Variants in JAZF1 observed in about 807,000 individuals in gnomAD.
JAZF1 encodes the protein JAZF zinc finger 1, also known as juxtaposed with another zinc finger protein 1.
A neutral mutation model predicts 26.4 loss-of-function variants in JAZF1; 8 were observed. The ratio of observed to expected loss-of-function variants is 0.30; its 90% CI spans 0.18 to 0.55. The LOEUF (loss-of-function observed/expected upper bound fraction) is 0.55, where lower values mean the gene tolerates loss of function less well. JAZF1 is among the 20% of genes least tolerant of loss of function. The pLI, the probability that JAZF1 is intolerant of heterozygous loss-of-function variation, is 0.94. For synonymous variants in JAZF1, 126 were observed against 122.3 expected, an observed-to-expected ratio of 1.03 and a Z score of -0.20; for missense variants, 199 against 322.0, an observed-to-expected ratio of 0.62 and a Z score of 2.92.
intron 2 of JAZF1, among the ~76,000 whole-genome samples, chr7:27,932,828 A>G (rs559096014): frequency 4.0e-4 from 61 of 152,326 alleles, no homozygotes; most frequent in African/African-American, 1.4e-3. Context: ...CTGAAAAACA[A>G]TGATTCTTTT....
intron 1 of JAZF1, among the ~76,000 whole-genome samples, chr7:27,995,975 C>T (rs1225098834): frequency 6.6e-6 from 1 of 152,112 alleles, no homozygotes; most frequent in Non-Finnish European, 1.5e-5. Flanking sequence ...GAAAGGCAAA[C>T]ACCACAGACC....
intron 1 of JAZF1, among the ~76,000 whole-genome samples, chr7:28,100,773 C>A (rs1025987866): frequency 9.9e-5 from 15 of 152,100 alleles, no homozygotes; most frequent in Non-Finnish European, 1.8e-4. Context: ...TTCTGAGAAG[C>A]AAAGGTGTGT....
Position 28,180,490 on chromosome 7 carries a change from T to A in JAZF1, c.88A>T (p.Ile30Phe). ...ATGTGGTTGTCCTCGATGTGCTCGA[T>A]GAGGTCGGCCAGGGTGGGGAAGTGG... ...GLHFPTLADL[I>F]EHIEDNHIDT... Residue 30 changes from isoleucine to phenylalanine, a missense_variant, in exon 1 of 5, where the codon ATC (isoleucine) becomes TTC (phenylalanine). Physicochemically the swap from Ile to Phe is conservative, Grantham distance 21. This residue lies in a region of JAZF1 where 137 missense variants were observed against 184.8 expected (regional missense o/e 0.74). Transcript: ENST00000283928. 1 of 1,608,296 alleles carries A rather than the reference T, an allele frequency of 6.2e-7. No homozygotes were observed. The highest frequency in any genetic ancestry group is 1.7e-5 in the Admixed American group (1 of 59,676).
intron 1 of JAZF1, among the ~76,000 whole-genome samples, chr7:28,027,367 A>G (rs1463260498): frequency 1.3e-5 from 2 of 152,182 alleles, no homozygotes; most frequent in Non-Finnish European, 2.9e-5. Flanking sequence ...TTTGTGGGTT[A>G]TGTTCTTGTT....
chr7:28,146,927 G>A, intron 1 of JAZF1, among the ~76,000 whole-genome samples: 1 of 150,206 alleles, frequency 6.7e-6, no homozygotes. Context: ...CGTGATCTCA[G>A]CTCACTGCAA....
intron 1 of JAZF1, among the ~76,000 whole-genome samples, chr7:28,013,223 G>T (rs886665): frequency 4.6e-5 from 7 of 152,116 alleles, no homozygotes; most frequent in Non-Finnish European, 1.0e-4. Context: ...AGCTCCCTGG[G>T]GACAAGCCCC....
chr7:27,958,083 T>G (rs1785128962), intron 2 of JAZF1, among the ~76,000 whole-genome samples: 3 of 152,198 alleles, frequency 2.0e-5, no homozygotes, highest in Non-Finnish European at 4.4e-5. Context: ...TGGGGTCACC[T>G]TTATTAATTT....
chr7:28,106,309 A>C (rs191657849), intron 1 of JAZF1, among the ~76,000 whole-genome samples: 4 of 152,286 alleles, frequency 2.6e-5, no homozygotes, highest in East Asian at 1.9e-4. Context: ...TCATCACACA[A>C]AAGTCAGGAA....
chr7:28,040,065 A>C (rs1010211220), intron 1 of JAZF1, among the ~76,000 whole-genome samples: 45 of 152,246 alleles, frequency 3.0e-4, no homozygotes, highest in African/African-American at 1.0e-3. Flanking sequence ...ACATTAAAAA[A>C]TGCTGAGAGT....
intron 1 of JAZF1, among the ~76,000 whole-genome samples, chr7:28,072,989 A>G (rs1784000086): frequency 1.3e-5 from 2 of 152,284 alleles, no homozygotes; most frequent in South Asian, 2.1e-4. Flanking sequence ...CCTCCTCCCA[A>G]AGCTCAGAAA....
chr7:27,948,123 G>A (rs1271720923), intron 2 of JAZF1, among the ~76,000 whole-genome samples: 1 of 152,142 alleles, frequency 6.6e-6, no homozygotes, highest in Admixed American at 6.5e-5. Flanking sequence ...GGTCACTGAT[G>A]TGGGGTAGCC....
intron 1 of JAZF1, among the ~76,000 whole-genome samples, chr7:28,142,958 G>A (rs919552209): frequency 2.0e-5 from 3 of 152,172 alleles, no homozygotes; most frequent in Non-Finnish European, 4.4e-5. Context: ...CATTGTGTTG[G>A]AGCAGAAAGA....
chr7:27,899,497 T>G (rs76528238), intron 2 of JAZF1, among the ~76,000 whole-genome samples: 180 of 152,250 alleles, frequency 1.2e-3, no homozygotes, highest in Non-Finnish European at 2.0e-3. Flanking sequence ...TGCAGTGGTG[T>G]GATTACAGTG....
intron 1 of JAZF1, among the ~76,000 whole-genome samples, chr7:28,015,447 G>A (rs1293537668): frequency 6.6e-6 from 1 of 152,116 alleles, no homozygotes; most frequent in Non-Finnish European, 1.5e-5. Context: ...GGAAAACTCG[G>A]CATGGGAATA....
intron 4 of JAZF1, among the ~76,000 whole-genome samples, chr7:27,838,493 G>C (rs991646088): frequency 6.6e-6 from 1 of 152,174 alleles, no homozygotes; most frequent in African/African-American, 2.4e-5. Context: ...TTGGCTGGCA[G>C]AGACTGCTGC....
chr7:27,978,700 A>T (rs1303658174), intron 2 of JAZF1, among the ~76,000 whole-genome samples: 1 of 152,230 alleles, frequency 6.6e-6, no homozygotes, highest in Non-Finnish European at 1.5e-5. Flanking sequence ...GGAATCAGGT[A>T]CATATGAGAA....
intron 3 of JAZF1, among the ~76,000 whole-genome samples, chr7:27,886,500 T>C (rs1160346350): frequency 5.3e-5 from 8 of 152,254 alleles, no homozygotes; most frequent in Non-Finnish European, 8.8e-5. Context: ...TCCAACTCCT[T>C]TGGAACTTAC....
chr7:28,161,430 T>A (rs1404790330), intron 1 of JAZF1, among the ~76,000 whole-genome samples: 1 of 152,146 alleles, frequency 6.6e-6, no homozygotes, highest in Non-Finnish European at 1.5e-5. Context: ...CAGGTTGAAG[T>A]GACTAGTCAA....
At chr7:28,149,585 A>C (rs1470983446) in intron 1 of JAZF1, among the ~76,000 whole-genome samples, 2 of 152,132 alleles carry the variant, frequency 1.3e-5, no homozygotes, top group Non-Finnish European at 2.9e-5. Context: ...AGGGAGGTGC[A>C]TCCAGTTGGT....
Sources: gnomAD v4.1 joint callset for allele counts (sites outside exome capture counted in the v4.1 genomes callset) on GRCh38, gnomAD v4.1.1 for gene constraint, gnomAD v4.1.1 regional missense constraint, MANE v1.5 for transcripts, NCBI Gene and HGNC (gene_info 2026-07-23, HGNC 2026-07-21) for gene names.